TCOF1: variants seen among roughly 807,000 people sequenced by gnomAD.
TCOF1 encodes treacle protein.
Under a neutral mutation model 149.0 loss-of-function variants are expected in TCOF1, and 33 were observed. The ratio of observed to expected loss-of-function variants is 0.22; its 90% CI spans 0.17 to 0.30. The LOEUF (loss-of-function observed/expected upper bound fraction) is 0.30. Among genes scored for constraint, TCOF1 ranks in the 10% least tolerant of loss-of-function variants. TCOF1 has a pLI of 1.00. For missense variants in TCOF1, 1,728 were observed against 1,840.7 expected, an observed-to-expected ratio of 0.94 and a Z score of 1.12; for synonymous variants, 789 against 738.8, an observed-to-expected ratio of 1.07 and a Z score of -1.10.
rs1212609516 is a variant in TCOF1, at chr5:150,396,872, A to G, written c.4345+30A>G. 5.7e-6 allele frequency: 9 copies of G among 1,568,288 alleles called. No individual in the cohort carries two copies. The South Asian group carries it at 8.2e-5, about 14-fold the overall frequency. ...GTGACCGCTTCTCCCAGCCCACCCC[A>G]AGGGCTGCTGGGCACCCCACGGGGG... On this transcript the variant is annotated intron_variant, in intron 24 of 26. Transcript: ENST00000643257.
Position 150,388,035 on chromosome 5 carries a change from C to T in TCOF1, c.2993C>T (p.Ser998Phe), listed in dbSNP as rs1766633492. 6.2e-7 allele frequency: 1 copy of T among 1,613,794 alleles called. No homozygotes were observed. Among genetic ancestry groups the T allele is most frequent in the Non-Finnish European group, 8.5e-7 (1 of 1,180,026 alleles). Residue 998 changes from serine to phenylalanine, a missense_variant, in exon 18 of 27, where the codon TCC becomes TTC. By Grantham distance (155) the Ser-to-Phe change is radical (BLOSUM62 -2). Around this residue, in one of 2 missense-constraint regions of TCOF1, gnomAD observed 1,696 missense variants for 1,765.4 expected, o/e 0.96. Coordinates refer to ENST00000643257, the MANE Select transcript of TCOF1 (RefSeq NM_001371623.1). ...RASESTARSS[S>F]SESEDEDVIP... Reference sequence around the variant, plus strand: ...TCGGAGAGCACAGCCAGGAGCTCCTCCTCCGAGAGCGAGGATGAGGACGTG... The same window carrying T: ...TCGGAGAGCACAGCCAGGAGCTCCTTCTCCGAGAGCGAGGATGAGGACGTG...
At chr5:150,391,688 C>T (rs757628896) in intron 20 of TCOF1, 31 bp downstream of exon 20, 4 of 1,594,330 alleles carry the variant, frequency 2.5e-6, no homozygotes, top group South Asian at 1.1e-5. Context: ...GAAGCAAGCC[C>T]ACGGAGCGTA....
In TCOF1 at chr5:150,375,645, C is replaced by T. The variant is rs961394284; in HGVS notation, c.1705-76C>T. The T allele has an allele frequency of 5.5e-5, 89 of 1,612,082 alleles. No individual in the cohort carries two copies. In the Middle Eastern group the frequency reaches 6.6e-4, roughly 12 times the overall value. The stretch of plus-strand genomic sequence containing the variant: ...TCCCAACCTCACACTGGGACTCTGT[C>T]TACAATCTTAGTTTCTTAATGTCTG... On this transcript the variant is annotated intron_variant, in intron 11 of 26. Transcript: ENST00000643257.
chr5:150,374,554 G>T (rs1763275460), intron 8 of TCOF1, 63 bp from the exon 9 acceptor site: 1 of 1,607,800 alleles, frequency 6.2e-7, no homozygotes, highest in South Asian at 1.1e-5. Context: ...TTCTGTACGT[G>T]GTGTCCTGTG....
At chr5:150,394,965 G>C (rs1768159458) in intron 23 of TCOF1, 2 of 151,030 alleles carry the variant, frequency 1.3e-5, no homozygotes, top group African/African-American at 2.4e-5. Flanking sequence ...CGTAGGCTCT[G>C]GGGAGAGAGG....
chr5:150,375,593 C>G lies in TCOF1; in HGVS notation c.1704+39C>G, dbSNP rs779322603. The G allele has an allele frequency of 1.9e-5, 31 of 1,613,260 alleles. No homozygotes were observed. In the African/African-American group the frequency reaches 3.6e-4, roughly 19 times the overall value. ...CTGTAAGGCTCTTTCTTTTTCCCCC[C>G]CACTCAGAGTGGAGCTGCCTGTGGC... On this transcript the variant is annotated intron_variant, in intron 11 of 26. Coordinates refer to ENST00000643257, the MANE Select transcript of TCOF1 (RefSeq NM_001371623.1).
chr5:150,398,532 G>A, intron 25 of TCOF1, 81 bp downstream of exon 25: 1 of 1,598,568 alleles, frequency 6.3e-7, no homozygotes, highest in Admixed American at 1.8e-5. Context: ...CCTGGTTCCT[G>A]CCCCCTTCCC....
Position 150,387,976 on chromosome 5 carries a change from C to G in TCOF1, c.2934C>G (p.Ala978=), listed in dbSNP as rs772747568. ...PAGPAATPAQ[A]QAASTPRKAR... ...GCCCAGCTGCTACACCCGCACAAGC[C>G]CAGGCTGCAAGCACCCCGAGGAAGG... The change falls in exon 18 of 27, where the codon GCC becomes GCG. Residue 978 remains alanine, a synonymous_variant. Transcript: ENST00000643257. 10 of 1,614,018 alleles carry G rather than the reference C, an allele frequency of 6.2e-6. No individual in the cohort carries two copies. Among genetic ancestry groups the G allele is most frequent in the South Asian group, 3.3e-5 (3 of 91,080 alleles).
intron 13 of TCOF1, 23 bp from the exon 14 acceptor site, chr5:150,376,400 C>A: frequency 6.2e-7 from 1 of 1,614,202 alleles, no homozygotes; most frequent in South Asian, 1.1e-5. Context: ...CTGGAGACAC[C>A]TCTCTTCCCC....
chr5:150,376,372 A>G, intron 13 of TCOF1, 42 bp downstream of exon 13: 4 of 1,614,128 alleles, frequency 2.5e-6, no homozygotes, highest in East Asian at 2.2e-5. Context: ...GGCCGCCCCT[A>G]CGTGGTCCTT....
intron 7 of TCOF1, 54 bp downstream of exon 7, chr5:150,372,290 CTGAGCACTCTGCCA>C (rs1762723193): frequency 1.3e-6 from 2 of 1,486,934 alleles, no homozygotes; most frequent in African/African-American, 1.4e-5. Context: ...CCCCAGCAGC[CTGAGCACTCTGCCA>C]TGAGCACCTC....
At chr5:150,366,279 C>T (rs1761329541) in intron 3 of TCOF1, among the ~76,000 whole-genome samples, 1 of 151,952 alleles carries the variant, frequency 6.6e-6, no homozygotes, top group African/African-American at 2.4e-5. Flanking sequence ...TGAGTCCAGG[C>T]ATTGGAGGTT....
intron 14 of TCOF1, among the ~76,000 whole-genome samples, chr5:150,378,362 G>A (rs1764284071): frequency 6.6e-6 from 1 of 152,144 alleles, no homozygotes; most frequent in South Asian, 2.1e-4. Context: ...GGGTTCTCTG[G>A]ATATCGGTTA....
intron 17 of TCOF1, chr5:150,379,998 G>A: frequency 2.3e-6 from 1 of 434,736 alleles, no homozygotes; most frequent in East Asian, 5.0e-5. Flanking sequence ...CTAGAACCTG[G>A]GAGGCGGAGG....
At chr5:150,399,577 G>A (rs368281061) in intron 26 of TCOF1, among the ~76,000 whole-genome samples, 25 of 152,250 alleles carry the variant, frequency 1.6e-4, no homozygotes, top group African/African-American at 5.8e-4. Flanking sequence ...TGGTCACCCA[G>A]CCTCCTGTAA....
At chr5:150,386,506 G>T (rs1766333191) in intron 17 of TCOF1, among the ~76,000 whole-genome samples, 2 of 152,170 alleles carry the variant, frequency 1.3e-5, no homozygotes, top group Non-Finnish European at 2.9e-5. Context: ...CCTCAGGCAG[G>T]CACCTTTCTG....
At chr5:150,360,887 CCACCATT>C (rs1429067834) in intron 1 of TCOF1, among the ~76,000 whole-genome samples, 1 of 152,022 alleles carries the variant, frequency 6.6e-6, no homozygotes, top group East Asian at 1.9e-4. Context: ...CCAGTGCATG[CCACCATT>C]CTCAGCTAAT....
chr5:150,388,341 C>T (rs1394995638), intron 18 of TCOF1, among the ~76,000 whole-genome samples: 1 of 152,200 alleles, frequency 6.6e-6, no homozygotes, highest in African/African-American at 2.4e-5. Context: ...CTAGAAGCTG[C>T]AGGGACCAGG....
Position 150,358,772 on chromosome 5 carries a change from G to A in TCOF1, c.108+918G>A, listed in dbSNP as rs543736165. 3.9e-5 allele frequency among the ~76,000 whole-genome samples: 6 copies of A among 152,360 alleles called. No homozygotes were observed. The East Asian group carries it at 1.2e-3, about 29-fold the overall frequency. On this transcript the variant is annotated intron_variant, in intron 1 of 26. Transcript: ENST00000643257. Reference sequence around the variant, plus strand: ...GAATTGCTTGAACCCGGGAGGCAGAGGTTGCAATGAGTCAAGATCGTGCCA... The same window carrying A: ...GAATTGCTTGAACCCGGGAGGCAGAAGTTGCAATGAGTCAAGATCGTGCCA...
Sources: gnomAD v4.1 joint callset for allele counts (sites outside exome capture counted in the v4.1 genomes callset) on GRCh38, gnomAD v4.1.1 for gene constraint, gnomAD v4.1.1 regional missense constraint, MANE v1.5 for transcripts, NCBI Gene and HGNC (gene_info 2026-07-23, HGNC 2026-07-21) for gene names.